SLC24A2: variants seen among roughly 807,000 people sequenced by gnomAD.
SLC24A2 encodes solute carrier family 24 member 2, also known as sodium/potassium/calcium exchanger 2.
Under a neutral mutation model 62.0 loss-of-function variants are expected in SLC24A2, and 36 were observed. That is an observed-to-expected ratio of 0.58 (90% CI 0.44 to 0.77). SLC24A2 has a LOEUF of 0.77. Among genes scored for constraint, SLC24A2 ranks in the 30% least tolerant of loss-of-function variants. The probability of loss-of-function intolerance (pLI) is 0.00; values close to 1 mark genes in which losing one functional copy is unlikely to be tolerated. For missense variants in SLC24A2, 846 were observed against 817.9 expected (o/e 1.03, Z -0.42); for synonymous variants, 358 against 294.0 (o/e 1.22, Z -2.23).
At chr9:19,769,419 C>A (rs1822616817) in intron 2 of SLC24A2, among the ~76,000 whole-genome samples, 1 of 152,226 alleles carries the variant, frequency 6.6e-6, no homozygotes, top group Admixed American at 6.5e-5. Context: ...GACCCTACAG[C>A]CTGTCTCAAC....
chr9:19,523,587 C>G (rs1007429381), intron 9 of SLC24A2, among the ~76,000 whole-genome samples: 3 of 152,054 alleles, frequency 2.0e-5, no homozygotes, highest in African/African-American at 7.2e-5. Flanking sequence ...CTCAGCCTCC[C>G]AAGTAGCTGG....
the SLC24A2 span, among the ~76,000 whole-genome samples, chr9:19,999,791 C>A: frequency 1.3e-5 from 2 of 152,150 alleles, no homozygotes; most frequent in African/African-American, 4.8e-5. Flanking sequence ...CACAGAGTTT[C>A]ATCAGGGGGA....
the SLC24A2 span, among the ~76,000 whole-genome samples, chr9:20,274,409 A>G: frequency 2.6e-5 from 4 of 152,206 alleles, no homozygotes; most frequent in Non-Finnish European, 5.9e-5. Context: ...AGAATTCTTT[A>G]GAGAGTTTTG....
the SLC24A2 span, among the ~76,000 whole-genome samples, chr9:20,187,915 C>T: frequency 6.6e-6 from 1 of 152,224 alleles, no homozygotes; most frequent in Non-Finnish European, 1.5e-5. Flanking sequence ...CATGATTCCT[C>T]CGCTCATGAA....
intron 2 of SLC24A2, among the ~76,000 whole-genome samples, chr9:19,775,552 T>C (rs535047304): frequency 2.0e-5 from 3 of 152,336 alleles, no homozygotes; most frequent in African/African-American, 7.2e-5. Flanking sequence ...ATTGATGATG[T>C]GTGGATCTAG....
the SLC24A2 span, among the ~76,000 whole-genome samples, chr9:19,923,135 G>A: frequency 6.6e-6 from 1 of 151,992 alleles, no homozygotes; most frequent in Non-Finnish European, 1.5e-5. Context: ...TGGATAAATT[G>A]GCATGGCTGG....
the SLC24A2 span, among the ~76,000 whole-genome samples, chr9:19,815,054 T>C: frequency 2.0e-5 from 3 of 152,190 alleles, no homozygotes; most frequent in East Asian, 5.8e-4. Flanking sequence ...ATGTTTGCTC[T>C]TTTTAAAGAT....
chr9:20,233,168 G>C, the SLC24A2 span, among the ~76,000 whole-genome samples: 1 of 152,108 alleles, frequency 6.6e-6, no homozygotes, highest in Non-Finnish European at 1.5e-5. Flanking sequence ...TTTTGTAGTA[G>C]GTGTGGTGTG....
chr9:19,521,064 A>G lies in SLC24A2; in HGVS notation c.1570-4T>C, dbSNP rs151165131. 21,203 of 1,613,820 alleles carry G rather than the reference A, an allele frequency of 0.013. 181 individuals carry two copies. Among genetic ancestry groups the G allele is most frequent in the Non-Finnish European group, 0.016 (18,641 of 1,179,738 alleles). On this transcript the variant is annotated splice_polypyrimidine_tract_variant and splice_region_variant and intron_variant, in intron 9 of 10. Transcript: ENST00000341998. ...TGATGCCAATTGTCTCTCCAACCTA[A>G]ATGTCAGGACAGGAATAAACATCTC... is the stretch of plus-strand genomic sequence containing the variant.
At chr9:20,080,575 T>G in the SLC24A2 span, among the ~76,000 whole-genome samples, 1 of 152,166 alleles carries the variant, frequency 6.6e-6, no homozygotes, top group African/African-American at 2.4e-5. Flanking sequence ...GGGCAAGGAC[T>G]TCTTGTCTAA....
chr9:19,856,729 G>A, the SLC24A2 span, among the ~76,000 whole-genome samples: 2 of 152,140 alleles, frequency 1.3e-5, no homozygotes, highest in African/African-American at 4.8e-5. Context: ...TGTATAAGGT[G>A]TCTGGCAGTG....
chr9:19,872,639 G>A, the SLC24A2 span, among the ~76,000 whole-genome samples: 1 of 152,114 alleles, frequency 6.6e-6, no homozygotes, highest in Non-Finnish European at 1.5e-5. Context: ...CTCCAATTCA[G>A]TTTTAACAGA....
At chr9:19,904,130 A>C in the SLC24A2 span, among the ~76,000 whole-genome samples, 1 of 152,192 alleles carries the variant, frequency 6.6e-6, no homozygotes, top group African/African-American at 2.4e-5. Flanking sequence ...AAGTATGTGC[A>C]AGGACCAGCA....
At chr9:20,302,064 C>T in the SLC24A2 span, among the ~76,000 whole-genome samples, 1 of 152,190 alleles carries the variant, frequency 6.6e-6, no homozygotes, top group Non-Finnish European at 1.5e-5. Context: ...CATGGCTTGA[C>T]AGCTCATTTA....
intron 8 of SLC24A2, 130 bp from the exon 9 acceptor site, chr9:19,528,268 A>C (rs1367350008): frequency 1.4e-6 from 1 of 712,070 alleles, no homozygotes; most frequent in East Asian, 2.7e-5. Context: ...ATTGGCAATC[A>C]AAAGACCCTA....
At chr9:19,908,100 G>A in the SLC24A2 span, among the ~76,000 whole-genome samples, 2 of 152,194 alleles carry the variant, frequency 1.3e-5, no homozygotes, top group African/African-American at 4.8e-5. Flanking sequence ...CAAGGCTACA[G>A]TCACCAAAAC....
chr9:20,177,876 G>A, the SLC24A2 span, among the ~76,000 whole-genome samples: 1 of 152,072 alleles, frequency 6.6e-6, no homozygotes, highest in Non-Finnish European at 1.5e-5. Context: ...GAGGAAAACT[G>A]AGTCACTGAG....
At chr9:20,274,207 G>A in the SLC24A2 span, among the ~76,000 whole-genome samples, 2 of 152,178 alleles carry the variant, frequency 1.3e-5, no homozygotes, top group Non-Finnish European at 2.9e-5. Flanking sequence ...GATGCCAGCT[G>A]TTGTGGCTTC....
At chr9:19,712,707 T>C (rs1247248494) in intron 2 of SLC24A2, among the ~76,000 whole-genome samples, 1 of 152,156 alleles carries the variant, frequency 6.6e-6, no homozygotes, top group Non-Finnish European at 1.5e-5. Context: ...TCATGGCCTG[T>C]TGTGTTTATT....
Sources: allele counts gnomAD v4.1 joint callset (sites outside exome capture counted in the v4.1 genomes callset), GRCh38; gene constraint gnomAD v4.1.1; transcripts MANE v1.5; gene names NCBI Gene and HGNC (gene_info 2026-07-23, HGNC 2026-07-21).